Variants in VAV3 observed in about 807,000 individuals in gnomAD.
The protein encoded by VAV3 is guanine nucleotide exchange factor VAV3.
VAV3 carries 94 observed loss-of-function variants against 131.2 expected under a neutral mutation model. The observed-to-expected ratio is 0.72, with a 90% CI of 0.61 to 0.85. The LOEUF is 0.85. Ranked by LOEUF, VAV3 falls within the 40% of genes least tolerant of loss-of-function variation. The pLI, the probability that VAV3 is intolerant of heterozygous loss-of-function variation, is 0.00. For missense variants in VAV3, 939 were observed against 1,002.7 expected (o/e 0.94, Z 0.86); for synonymous variants, 349 against 342.0 (o/e 1.02, Z -0.22).
At chr1:107,765,227 T>C (rs747043767) in intron 8 of VAV3, 52 bp from the exon 9 acceptor site, 49 of 1,370,362 alleles carry the variant, frequency 3.6e-5, no homozygotes, top group Non-Finnish European at 3.2e-5. Context: ...AAGAATGAAC[T>C]GGAGGGGGAA....
At chr1:107,774,143 T>C (rs1263353202) in intron 4 of VAV3, among the ~76,000 whole-genome samples, 1 of 152,120 alleles carries the variant, frequency 6.6e-6, no homozygotes, top group Non-Finnish European at 1.5e-5. Context: ...CTTGGCTCAC[T>C]GCAGCCTCCA....
intron 2 of VAV3, among the ~76,000 whole-genome samples, chr1:107,812,397 T>A (rs180737574): frequency 1.3e-5 from 2 of 152,272 alleles, no homozygotes; most frequent in East Asian, 3.9e-4. Flanking sequence ...CCCGTTTTCA[T>A]TACCTAAAAA....
intron 15 of VAV3, among the ~76,000 whole-genome samples, chr1:107,733,782 GA>G (rs1398133491): frequency 6.6e-6 from 1 of 152,220 alleles, no homozygotes; most frequent in African/African-American, 2.4e-5. Context: ...ACCTGAAAGT[GA>G]CAGGGAGAAT....
chr1:107,591,502 A>G (rs894045243), intron 25 of VAV3, among the ~76,000 whole-genome samples: 1 of 152,170 alleles, frequency 6.6e-6, no homozygotes, highest in African/African-American at 2.4e-5. Flanking sequence ...GGCTTCAAAT[A>G]TGATCTGTTC....
chr1:107,918,705 A>ATATATAT (rs1274987055), intron 1 of VAV3, among the ~76,000 whole-genome samples: 3 of 76,998 alleles, frequency 3.9e-5, no homozygotes, highest in African/African-American at 1.4e-4. Flanking sequence ...ATATATATAT[A>ATATATAT]TTTTTTTTTT....
At chr1:107,762,831 C>T (rs765175831) in intron 9 of VAV3, among the ~76,000 whole-genome samples, 4 of 152,102 alleles carry the variant, frequency 2.6e-5, no homozygotes, top group Non-Finnish European at 5.9e-5. Context: ...AATGCTTATT[C>T]GTGTTGAAAG....
At chr1:107,644,790 T>G (rs1655602371) in intron 19 of VAV3, among the ~76,000 whole-genome samples, 1 of 152,090 alleles carries the variant, frequency 6.6e-6, no homozygotes, top group African/African-American at 2.4e-5. Context: ...CATAAGAGGC[T>G]GTAAGGTGTT....
chr1:107,678,059 G>A (rs530108629), intron 19 of VAV3: 16 of 152,064 alleles, frequency 1.1e-4, no homozygotes, highest in Non-Finnish European at 1.9e-4. Flanking sequence ...ACTACAAGAA[G>A]ATCAACTGTC....
intron 19 of VAV3, among the ~76,000 whole-genome samples, chr1:107,675,481 C>T (rs2101697439): frequency 6.6e-6 from 1 of 152,302 alleles, no homozygotes; most frequent in South Asian, 2.1e-4. Context: ...CCACACAGGG[C>T]TACCGTTGGA....
chr1:107,891,916 G>A (rs1671329093), intron 1 of VAV3, among the ~76,000 whole-genome samples: 2 of 150,656 alleles, frequency 1.3e-5, no homozygotes, highest in Non-Finnish European at 2.9e-5. Flanking sequence ...CACTAGCTAG[G>A]TAAACTTGAA....
In VAV3 at chr1:107,671,665, A is replaced by G. The variant is rs558060506; in HGVS notation, c.1777+11823T>C. Among the ~76,000 whole-genome samples, 34 of 152,318 alleles carry G rather than the reference A, an allele frequency of 2.2e-4. 2 individuals are homozygous for G. The South Asian group carries it at 6.8e-3, about 31-fold the overall frequency. ...GGGAGACACATATGTACAAAAGGAA[A>G]TAAGAACAACGGGAGGAGCTACTCT... On this transcript the variant is annotated intron_variant, in intron 19 of 26. Coordinates refer to ENST00000370056, the MANE Select transcript of VAV3 (RefSeq NM_006113.5).
chr1:107,582,730 A>G (rs960736173), intron 25 of VAV3, among the ~76,000 whole-genome samples: 4 of 151,966 alleles, frequency 2.6e-5, no homozygotes, highest in African/African-American at 7.3e-5. Context: ...TGTCCCTACA[A>G]AGGACATGAA....
intron 20 of VAV3, among the ~76,000 whole-genome samples, chr1:107,629,042 ACT>A (rs1366235382): frequency 1.8e-4 from 27 of 152,290 alleles, no homozygotes; most frequent in African/African-American, 6.3e-4. Context: ...TATTTTTGGC[ACT>A]GATTACAGTT....
intron 2 of VAV3, among the ~76,000 whole-genome samples, chr1:107,791,898 T>G (rs1164748235): frequency 6.6e-6 from 1 of 152,194 alleles, no homozygotes; most frequent in Non-Finnish European, 1.5e-5. Flanking sequence ...GAGAACCTTC[T>G]AAGGGTCAGA....
intron 4 of VAV3, among the ~76,000 whole-genome samples, chr1:107,775,724 TG>T (rs1303490664): frequency 6.6e-6 from 1 of 152,120 alleles, no homozygotes; most frequent in East Asian, 1.9e-4. Flanking sequence ...GGCACTATCT[TG>T]CTTACTGTTG....
chr1:107,855,841 C>T (rs192265210), intron 2 of VAV3, among the ~76,000 whole-genome samples: 1 of 152,292 alleles, frequency 6.6e-6, no homozygotes, highest in East Asian at 1.9e-4. Flanking sequence ...TCCTTTGTGT[C>T]AACTCTAGAA....
chr1:107,735,176 C>T (rs953925159), intron 15 of VAV3, among the ~76,000 whole-genome samples: 60 of 152,172 alleles, frequency 3.9e-4, no homozygotes, highest in Non-Finnish European at 2.9e-4. Flanking sequence ...AAAGACACAA[C>T]GTACCAGAAT....
In VAV3 at chr1:107,964,861, C is replaced by T. The variant is rs142499589; in HGVS notation, c.9G>A (p.Pro3=). 608 of 1,599,478 alleles carry T rather than the reference C, an allele frequency of 3.8e-4. 9 individuals are homozygous for T. In the South Asian group the frequency reaches 6.2e-3, roughly 16 times the overall value. Residue 3 remains proline, a synonymous_variant, in exon 1 of 27, where the codon CCG becomes CCA. Transcript: ENST00000370056. ME[P]WKQCAQWLIH... Reference sequence around the variant, plus strand: ...TGAGCCACTGCGCGCACTGCTTCCACGGCTCCATGCCCGACGGCTCCGGGA... The same window carrying T: ...TGAGCCACTGCGCGCACTGCTTCCATGGCTCCATGCCCGACGGCTCCGGGA...
At chr1:107,832,232 C>T (rs1257230073) in intron 2 of VAV3, among the ~76,000 whole-genome samples, 1 of 152,206 alleles carries the variant, frequency 6.6e-6, no homozygotes. Flanking sequence ...GACCTTAGTT[C>T]TCTCCTCTTG....
Sources: allele counts gnomAD v4.1 joint callset (sites outside exome capture counted in the v4.1 genomes callset), GRCh38; gene constraint gnomAD v4.1.1; transcripts MANE v1.5; gene names NCBI Gene and HGNC (gene_info 2026-07-23, HGNC 2026-07-21).